The following ADAM22 variants were observed in gnomAD, a reference collection of about 807,000 sequenced individuals.
ADAM22 encodes disintegrin and metalloproteinase domain-containing protein 22.
Under a neutral mutation model 144.6 loss-of-function variants are expected in ADAM22, and 65 were observed. That is an observed-to-expected ratio of 0.45 (90% CI 0.37 to 0.55). The LOEUF (loss-of-function observed/expected upper bound fraction) is 0.55. Ranked by LOEUF, ADAM22 falls within the 20% of genes least tolerant of loss-of-function variation. ADAM22 has a pLI of 0.00. For missense variants in ADAM22, 974 were observed against 1,184.9 expected, an observed-to-expected ratio of 0.82 and a Z score of 2.61; for synonymous variants, 391 against 412.6, an observed-to-expected ratio of 0.95 and a Z score of 0.63.
At chr7:88,102,002 C>T (rs1823061487) in intron 4 of ADAM22, among the ~76,000 whole-genome samples, 1 of 152,144 alleles carries the variant, frequency 6.6e-6, no homozygotes. Context: ...ATAACCTTGA[C>T]TTTGTAGCAG....
rs1449476619 is a variant in ADAM22 at position 88,113,699 on chromosome 7, AATAAATATATATAT to A, written c.474-881_474-868del. Among the ~76,000 whole-genome samples, 75 of 39,464 alleles carry A rather than the reference AATAAATATATATAT, an allele frequency of 1.9e-3. 1 individual carries two copies. Among genetic ancestry groups the A allele is most frequent in the Non-Finnish European group, 2.6e-3 (59 of 22,392 alleles). The allele number at this position is 39,464 out of a possible 152,430, so 25.9% of individuals were successfully genotyped here. A position where few individuals can be genotyped will look rare whatever the true frequency, so the allele number is the denominator to read the frequency against. ...ATAATATATATATTATAAATAAATA[AATAAATATATATAT>A]ATATATATATATATATATATATATA... On this transcript the variant is annotated intron_variant, in intron 5 of 31. Transcript: ENST00000413139.
chr7:87,975,264 G>C (rs1314719473), intron 2 of ADAM22, among the ~76,000 whole-genome samples: 4 of 152,092 alleles, frequency 2.6e-5, no homozygotes, highest in Non-Finnish European at 5.9e-5. Flanking sequence ...AGAATACTAT[G>C]TTTATTTTCT....
intron 2 of ADAM22, among the ~76,000 whole-genome samples, chr7:87,957,099 A>G (rs1015875933): frequency 6.6e-6 from 1 of 152,190 alleles, no homozygotes; most frequent in African/African-American, 2.4e-5. Flanking sequence ...CTCACAGGTA[A>G]GCTCAGTACC....
intron 2 of ADAM22, among the ~76,000 whole-genome samples, chr7:87,950,761 TA>T (rs1844858722): frequency 6.7e-6 from 1 of 149,540 alleles, no homozygotes; most frequent in Non-Finnish European, 1.5e-5. Context: ...ACCAACAGTG[TA>T]AAAGTGTTCT....
intron 3 of ADAM22, among the ~76,000 whole-genome samples, chr7:88,050,662 G>C (rs1051240071): frequency 5.9e-5 from 9 of 152,136 alleles, no homozygotes; most frequent in African/African-American, 2.2e-4. Context: ...GTCTTCTTTT[G>C]AGAAGTGTCA....
intron 4 of ADAM22, among the ~76,000 whole-genome samples, chr7:88,101,988 G>T (rs1823057559): frequency 6.6e-6 from 1 of 152,180 alleles, no homozygotes; most frequent in Non-Finnish European, 1.5e-5. Context: ...AACCACTGGT[G>T]TAAATAACCT....
At chr7:87,996,068 G>A (rs1266249477) in intron 3 of ADAM22, among the ~76,000 whole-genome samples, 5 of 152,126 alleles carry the variant, frequency 3.3e-5, no homozygotes, top group Non-Finnish European at 7.3e-5. Flanking sequence ...GTCACTGTAG[G>A]TTTATTTTGC....
intron 7 of ADAM22, among the ~76,000 whole-genome samples, chr7:88,121,517 G>A (rs1274381227): frequency 1.3e-5 from 2 of 152,116 alleles, no homozygotes; most frequent in African/African-American, 2.4e-5. Context: ...TGTGGCCCAC[G>A]GTGTCATGAG....
At chr7:88,183,142 A>G (rs888925977) in intron 29 of ADAM22, among the ~76,000 whole-genome samples, 1 of 152,204 alleles carries the variant, frequency 6.6e-6, no homozygotes, top group Admixed American at 6.5e-5. Flanking sequence ...ATACCATTGC[A>G]TGGTCCAGAA....
chr7:87,937,333 T>G (rs1300910234), intron 2 of ADAM22, among the ~76,000 whole-genome samples: 3 of 152,140 alleles, frequency 2.0e-5, no homozygotes, highest in Admixed American at 6.5e-5. Context: ...CCCTTGCAAT[T>G]TTTTCAGTGA....
chr7:88,011,950 G>A (rs1795525976), intron 3 of ADAM22, among the ~76,000 whole-genome samples: 1 of 150,704 alleles, frequency 6.6e-6, no homozygotes, highest in South Asian at 2.1e-4. Context: ...TCTCTTGCTT[G>A]TTTTTATGCT....
intron 4 of ADAM22, among the ~76,000 whole-genome samples, chr7:88,092,570 T>G (rs936231350): frequency 6.6e-6 from 1 of 152,220 alleles, no homozygotes; most frequent in African/African-American, 2.4e-5. Context: ...AGACATATGC[T>G]CCTCTGCCAT....
chr7:87,992,918 T>G (rs80321078), intron 3 of ADAM22, among the ~76,000 whole-genome samples: 4,148 of 152,228 alleles, frequency 0.027, 182 homozygotes, highest in African/African-American at 0.094. Context: ...TGGCTAGAAC[T>G]GGGTCAAAAC....
At chr7:88,135,608 A>C (rs535314634) in intron 13 of ADAM22, among the ~76,000 whole-genome samples, 1 of 152,318 alleles carries the variant, frequency 6.6e-6, no homozygotes, top group South Asian at 2.1e-4. Context: ...AAAAATGGTC[A>C]AGAAATTATA....
chr7:87,982,699 A>ATATATATATATAT lies in ADAM22; in HGVS notation c.323+4287_323+4288insTATATATATATAT, dbSNP rs10527361. Among the ~76,000 whole-genome samples the ATATATATATATAT allele has an allele frequency of 1.4e-3, 89 of 62,836 alleles. 1 individual carries two copies. Among genetic ancestry groups the ATATATATATATAT allele is most frequent in the South Asian group, 2.7e-3 (6 of 2,208 alleles). The allele number at this position is 62,836 out of a possible 152,430, so 41.2% of individuals were successfully genotyped here. A position where few individuals can be genotyped will look rare whatever the true frequency, so the allele number is the denominator to read the frequency against. Reference sequence around the variant, plus strand: ...TATATATATATATATATATATATATAATTTTTTTTTTTGAGATACAGTTTT... The same window carrying ATATATATATATAT: ...TATATATATATATATATATATATATATATATATATATATATTTTTTTTTTTGAGATACAGTTTT... On this transcript the variant is annotated intron_variant, in intron 3 of 31. Coordinates refer to ENST00000413139, the MANE Select transcript of ADAM22 (RefSeq NM_001324418.2).
chr7:88,053,596 GAAA>G (rs1563114076), intron 3 of ADAM22, among the ~76,000 whole-genome samples: 142 of 33,342 alleles, frequency 4.3e-3, no homozygotes, highest in African/African-American at 8.8e-3. Context: ...AGGAAGGAAA[GAAA>G]GAAAGAAAGA....
chr7:87,992,977 A>G (rs1314355597), intron 3 of ADAM22, among the ~76,000 whole-genome samples: 3 of 152,216 alleles, frequency 2.0e-5, no homozygotes, highest in African/African-American at 7.2e-5. Flanking sequence ...ATTAGTTGAT[A>G]CTAGTCAGGA....
At chr7:87,984,645 A>G (rs1490173519) in intron 3 of ADAM22, among the ~76,000 whole-genome samples, 2 of 152,050 alleles carry the variant, frequency 1.3e-5, no homozygotes, top group Non-Finnish European at 2.9e-5. Context: ...TCCGAATCCT[A>G]TTTTTATTTT....
At chr7:88,101,256 T>C (rs1215357732) in intron 4 of ADAM22, among the ~76,000 whole-genome samples, 3 of 151,764 alleles carry the variant, frequency 2.0e-5, no homozygotes, top group Non-Finnish European at 4.4e-5. Context: ...TGAGAAAGGG[T>C]CCCACTTGTG....
Sources: allele counts gnomAD v4.1 joint callset (sites outside exome capture counted in the v4.1 genomes callset), GRCh38; gene constraint gnomAD v4.1.1; transcripts MANE v1.5; gene names NCBI Gene and HGNC (gene_info 2026-07-23, HGNC 2026-07-21).